The following DPYD variants were observed in gnomAD, a reference collection of about 807,000 sequenced individuals.
DPYD encodes dihydropyrimidine dehydrogenase, also known as dihydropyrimidine dehydrogenase [NADP(+)].
Under a neutral mutation model 116.2 loss-of-function variants are expected in DPYD, and 109 were observed. That is an observed-to-expected ratio of 0.94 (90% confidence interval 0.80 to 1.10). The LOEUF (loss-of-function observed/expected upper bound fraction) is 1.10. DPYD is among the 50% of genes least tolerant of loss of function. The pLI is 0.00. For synonymous variants in DPYD, 440 were observed against 432.0 expected, an observed-to-expected ratio of 1.02 and a Z score of -0.23; for missense variants, 1,302 against 1,254.5, an observed-to-expected ratio of 1.04 and a Z score of -0.57.
At chr1:97,664,430 T>C (rs1446865621) in intron 8 of DPYD, among the ~76,000 whole-genome samples, 2 of 152,098 alleles carry the variant, frequency 1.3e-5, no homozygotes, top group African/African-American at 2.4e-5. Flanking sequence ...TTTAGTACTT[T>C]AAACTATAGC....
At chr1:97,213,510 C>A (rs1395031099) in intron 19 of DPYD, among the ~76,000 whole-genome samples, 1 of 152,236 alleles carries the variant, frequency 6.6e-6, no homozygotes, top group Non-Finnish European at 1.5e-5. Flanking sequence ...TGTCCAGGCA[C>A]TAGAATGCTA....
intron 1 of DPYD, among the ~76,000 whole-genome samples, chr1:97,906,887 G>A (rs1239887285): frequency 6.6e-6 from 1 of 152,088 alleles, no homozygotes. Flanking sequence ...ACTTGAGGAA[G>A]CACTTTACTG....
intron 3 of DPYD, among the ~76,000 whole-genome samples, chr1:97,784,519 G>A (rs986380170): frequency 1.3e-5 from 2 of 152,188 alleles, no homozygotes; most frequent in African/African-American, 4.8e-5. Context: ...CTGAAGAAGT[G>A]TAGTACAAAA....
At chr1:97,530,683 A>T (rs1649551852) in intron 12 of DPYD, among the ~76,000 whole-genome samples, 1 of 152,118 alleles carries the variant, frequency 6.6e-6, no homozygotes, top group South Asian at 2.1e-4. Flanking sequence ...TCTATTTTAA[A>T]TTTTTTGAGA....
intron 2 of DPYD, among the ~76,000 whole-genome samples, chr1:97,862,569 G>A (rs190870808): frequency 1.3e-5 from 2 of 151,776 alleles, no homozygotes; most frequent in African/African-American, 4.8e-5. Flanking sequence ...CTAAAATTTT[G>A]TCTATTTGTT....
intron 20 of DPYD, among the ~76,000 whole-genome samples, chr1:97,113,065 TG>T (rs1651718548): frequency 6.6e-6 from 1 of 152,126 alleles, no homozygotes; most frequent in Non-Finnish European, 1.5e-5. Flanking sequence ...TTCTTAAGAG[TG>T]GTTTTCAGAA....
intron 12 of DPYD, among the ~76,000 whole-genome samples, chr1:97,543,223 T>A (rs937974880): frequency 6.6e-6 from 1 of 152,164 alleles, no homozygotes; most frequent in African/African-American, 2.4e-5. Context: ...TGGAACTGGA[T>A]CTGATGTCTT....
intron 19 of DPYD, among the ~76,000 whole-genome samples, chr1:97,221,234 C>T (rs1294010151): frequency 2.1e-5 from 3 of 139,588 alleles, no homozygotes; most frequent in Non-Finnish European, 4.8e-5. Context: ...AGCTTTCACA[C>T]GTTTATTATT....
In DPYD at chr1:97,253,480, G is replaced by A. The variant is rs575520934; in HGVS notation, c.2300-18486C>T. Among the ~76,000 whole-genome samples, 6 of 152,178 alleles carry A rather than the reference G, an allele frequency of 3.9e-5. No homozygotes were observed. The East Asian group carries it at 7.7e-4, about 20-fold the overall frequency. On this transcript the variant is annotated intron_variant, in intron 18 of 22. Coordinates refer to ENST00000370192, the MANE Select transcript of DPYD (RefSeq NM_000110.4). ...GGTATTGTTTTATGTATGGAAAAAT[G>A]AGAAGTCTTTGTGAGAGCTAAGGTT...
At chr1:97,532,067 A>G (rs1485535698) in intron 12 of DPYD, among the ~76,000 whole-genome samples, 2 of 151,958 alleles carry the variant, frequency 1.3e-5, no homozygotes, top group African/African-American at 4.8e-5. Flanking sequence ...TCCTCTGCAA[A>G]TAGTTAATTT....
At chr1:97,509,571 A>G (rs1647623408) in intron 13 of DPYD, among the ~76,000 whole-genome samples, 1 of 151,976 alleles carries the variant, frequency 6.6e-6, no homozygotes, top group Non-Finnish European at 1.5e-5. Flanking sequence ...ATAAGGTACT[A>G]AAAGAGAGAA....
intron 18 of DPYD, among the ~76,000 whole-genome samples, chr1:97,258,971 A>G (rs1663694895): frequency 6.6e-6 from 1 of 152,182 alleles, no homozygotes; most frequent in South Asian, 2.1e-4. Flanking sequence ...AGAAATGCAG[A>G]GTAAAAGGGT....
At position 97,138,164 on chromosome 1, in the gene DPYD, G is replaced by A. The variant is rs544216413; in HGVS notation, c.2623-39532C>T. ...CAAGCTGACCTAATGGTAGATGCTG[G>A]ATGCACACTGAACCTGGCCTGGCGG... is the stretch of plus-strand genomic sequence containing the variant. On this transcript the variant is annotated intron_variant, in intron 20 of 22. Transcript: ENST00000370192. Among the ~76,000 whole-genome samples the A allele has an allele frequency of 3.3e-5, 5 of 152,238 alleles. No homozygotes were observed. In the South Asian group the frequency reaches 1.0e-3, roughly 32 times the overall value.
At chr1:97,217,574 A>G (rs983023085) in intron 19 of DPYD, among the ~76,000 whole-genome samples, 5 of 152,178 alleles carry the variant, frequency 3.3e-5, no homozygotes, top group African/African-American at 9.7e-5. Flanking sequence ...AATACCATCA[A>G]AATAAATGTG....
At chr1:97,389,076 G>T (rs1672521885) in intron 14 of DPYD, among the ~76,000 whole-genome samples, 1 of 152,018 alleles carries the variant, frequency 6.6e-6, no homozygotes, top group African/African-American at 2.4e-5. Context: ...AGGGTGTAAG[G>T]TCTCTTACTG....
chr1:97,547,108 T>C (rs1413980291), intron 12 of DPYD: 2 of 794,408 alleles, frequency 2.5e-6, no homozygotes, highest in Admixed American at 3.5e-5. Context: ...ATAATATAAC[T>C]AGGCAGTGGC....
chr1:97,172,409 T>A (rs1382119035), intron 20 of DPYD, among the ~76,000 whole-genome samples: 1 of 152,168 alleles, frequency 6.6e-6, no homozygotes, highest in Non-Finnish European at 1.5e-5. Context: ...TTTCTGTGTA[T>A]GGGAATTCAT....
intron 1 of DPYD, among the ~76,000 whole-genome samples, chr1:97,899,428 T>C (rs1673249728): frequency 6.6e-6 from 1 of 151,906 alleles, no homozygotes; most frequent in Admixed American, 6.6e-5. Flanking sequence ...CTTTGACAAA[T>C]GCGCCTTTTC....
intron 14 of DPYD, chr1:97,394,565 T>C (rs1347839104): frequency 6.6e-6 from 1 of 152,140 alleles, no homozygotes; most frequent in South Asian, 2.1e-4. Flanking sequence ...CAGATCACCA[T>C]AACAGGTGTA....
Sources: gnomAD v4.1 joint callset for allele counts (sites outside exome capture counted in the v4.1 genomes callset) on GRCh38, gnomAD v4.1.1 for gene constraint, MANE v1.5 for transcripts, NCBI Gene and HGNC (gene_info 2026-07-23, HGNC 2026-07-21) for gene names.